Variants in MYO5B observed in about 807,000 individuals in gnomAD.
The protein encoded by MYO5B is unconventional myosin-Vb.
Under a neutral mutation model 229.3 loss-of-function variants are expected in MYO5B, and 143 were observed. The observed-to-expected ratio is 0.62, with a 90% CI of 0.54 to 0.72. MYO5B has a LOEUF of 0.72. Among genes scored for constraint, MYO5B ranks in the 30% least tolerant of loss-of-function variants. The pLI is 0.00. For missense variants in MYO5B, 2,321 were observed against 2,331.0 expected (o/e 1.00, Z 0.09); for synonymous variants, 918 against 885.2 (o/e 1.04, Z -0.66).
intron 1 of MYO5B, among the ~76,000 whole-genome samples, chr18:50,174,035 A>G (rs1337457277): frequency 1.3e-5 from 2 of 152,132 alleles, no homozygotes; most frequent in African/African-American, 4.8e-5. Context: ...GCCATCACCC[A>G]ATCCATTAAG....
chr18:49,980,420 C>T (rs1440358010), intron 9 of MYO5B, 24 bp downstream of exon 9: 1 of 1,493,536 alleles, frequency 6.7e-7, no homozygotes, highest in South Asian at 1.1e-5. Context: ...TTCATTTTAT[C>T]TCCGGTGTTG....
intron 1 of MYO5B, among the ~76,000 whole-genome samples, chr18:50,073,720 G>T (rs896919423): frequency 6.6e-6 from 1 of 151,986 alleles, no homozygotes; most frequent in Admixed American, 6.6e-5. Context: ...AGCCAAAATT[G>T]AGCCCCTGAA....
chr18:49,971,048 A>AC (rs747257249), intron 10 of MYO5B: 10 of 152,304 alleles, frequency 6.6e-5, no homozygotes, highest in Non-Finnish European at 1.3e-4. Context: ...CCACACCCCC[A>AC]CTAAGAAGGA....
intron 22 of MYO5B, among the ~76,000 whole-genome samples, chr18:49,883,204 G>A (rs1787611): frequency 0.6 from 91,434 of 152,064 alleles, 27,532 homozygotes; most frequent in Middle Eastern, 0.67. Flanking sequence ...AAAGATAAAA[G>A]CATCCAGAAT....
intron 1 of MYO5B, among the ~76,000 whole-genome samples, chr18:50,191,680 TA>T (rs5824830): frequency 0.28 from 42,849 of 152,064 alleles, 6,186 homozygotes; most frequent in South Asian, 0.38. Context: ...ATTAGCCTCA[TA>T]TGAGCACTAT....
chr18:49,964,364 AT>A (rs11331519), intron 10 of MYO5B, among the ~76,000 whole-genome samples: 39,614 of 151,818 alleles, frequency 0.26, 5,680 homozygotes, highest in East Asian at 0.53. Context: ...TTTTTCTTAA[AT>A]TTTTTTTTCT....
rs2026044426 is a variant in MYO5B at position 50,001,305 on chromosome 18, T to C, written c.562A>G (p.Ser188Gly). ...RYFATVGGSA[S>G]ETNIEEKVLA... The stretch of plus-strand genomic sequence containing the variant: ...ACCTTCTCTTCGATGTTGGTTTCAC[T>C]GGCCGAGCCACCAACGGTGGCGAAA... Residue 188 changes from serine (S) to glycine (G), a missense_variant, in exon 5 of 40, where the codon AGT becomes GGT. Physicochemically the swap from Ser to Gly is moderately conservative, Grantham distance 56. This residue lies in a region of MYO5B where 2,113 missense variants were observed against 2,044.7 expected (regional missense o/e 1.03). Coordinates refer to ENST00000285039, the MANE Select transcript of MYO5B (RefSeq NM_001080467.3). 4.3e-6 allele frequency: 7 copies of C among 1,614,208 alleles called. No homozygotes were observed. The highest frequency in any genetic ancestry group is 2.2e-5 in the South Asian group (2 of 91,080).
At chr18:49,991,611 G>T (rs2025933224) in intron 6 of MYO5B, among the ~76,000 whole-genome samples, 1 of 152,130 alleles carries the variant, frequency 6.6e-6, no homozygotes, top group African/African-American at 2.4e-5. Flanking sequence ...TGGGACATCT[G>T]GGAATTGAAC....
intron 9 of MYO5B, among the ~76,000 whole-genome samples, chr18:49,979,414 C>T (rs1318894237): frequency 2.0e-5 from 3 of 152,216 alleles, no homozygotes; most frequent in Admixed American, 2.0e-4. Flanking sequence ...TCATTCCCCA[C>T]AGATTGTGTA....
intron 1 of MYO5B, among the ~76,000 whole-genome samples, chr18:50,084,171 G>A (rs1359152646): frequency 6.6e-6 from 1 of 152,172 alleles, no homozygotes; most frequent in East Asian, 1.9e-4. Context: ...TCTGCAAAAT[G>A]AAAAGAAGAC....
At chr18:50,030,826 T>C (rs1466206401) in intron 4 of MYO5B, among the ~76,000 whole-genome samples, 2 of 131,996 alleles carry the variant, frequency 1.5e-5, no homozygotes, top group Non-Finnish European at 3.1e-5. Context: ...TGTATTACCT[T>C]GGTTACCTGA....
intron 1 of MYO5B, among the ~76,000 whole-genome samples, chr18:50,145,289 C>T (rs4095420): frequency 0.093 from 14,171 of 151,872 alleles, 762 homozygotes; most frequent in East Asian, 0.19. Context: ...AGATCAAGAC[C>T]ATCCTGGCTA....
intron 16 of MYO5B, among the ~76,000 whole-genome samples, chr18:49,930,811 G>A (rs1030178952): frequency 6.6e-6 from 1 of 151,798 alleles, no homozygotes; most frequent in Non-Finnish European, 1.5e-5. Context: ...AGAATGGCAT[G>A]AATCCGGGAG....
intron 1 of MYO5B, among the ~76,000 whole-genome samples, chr18:50,065,629 C>T (rs1425463890): frequency 6.6e-6 from 1 of 152,164 alleles, no homozygotes; most frequent in African/African-American, 2.4e-5. Context: ...ATGGGGATTA[C>T]AGTTCAAGAT....
intron 22 of MYO5B, among the ~76,000 whole-genome samples, chr18:49,889,019 C>A (rs1222673460): frequency 6.6e-6 from 1 of 152,220 alleles, no homozygotes; most frequent in African/African-American, 2.4e-5. Flanking sequence ...GACTATCACA[C>A]CCTCAGAACC....
chr18:50,161,038 T>A (rs375490259), intron 1 of MYO5B, among the ~76,000 whole-genome samples: 1 of 152,168 alleles, frequency 6.6e-6, no homozygotes, highest in South Asian at 2.1e-4. Flanking sequence ...GGGCTCAGTA[T>A]TGGGGGCTGG....
chr18:50,013,765 C>T (rs1213667399), intron 4 of MYO5B, among the ~76,000 whole-genome samples: 1 of 152,236 alleles, frequency 6.6e-6, no homozygotes, highest in Non-Finnish European at 1.5e-5. Context: ...GTTTTCCCTT[C>T]TGACAACGTG....
At chr18:49,991,676 G>T (rs1001205750) in intron 6 of MYO5B, among the ~76,000 whole-genome samples, 1 of 152,152 alleles carries the variant, frequency 6.6e-6, no homozygotes, top group African/African-American at 2.4e-5. Flanking sequence ...GCCTGTCAGT[G>T]GGTGGAAGGC....
intron 1 of MYO5B, among the ~76,000 whole-genome samples, chr18:50,096,987 C>G (rs2012965023): frequency 6.6e-6 from 1 of 152,222 alleles, no homozygotes; most frequent in Non-Finnish European, 1.5e-5. Flanking sequence ...AGTGCTTATG[C>G]TGGGCCTGGC....
Sources: gnomAD v4.1 joint callset for allele counts (sites outside exome capture counted in the v4.1 genomes callset) on GRCh38, gnomAD v4.1.1 for gene constraint, gnomAD v4.1.1 regional missense constraint, MANE v1.5 for transcripts, NCBI Gene and HGNC (gene_info 2026-07-23, HGNC 2026-07-21) for gene names.